The following TRAF3IP2 variants were observed in gnomAD, a reference collection of about 807,000 sequenced individuals.
TRAF3IP2 encodes E3 ubiquitin ligase TRAF3IP2.
In TRAF3IP2, 35 loss-of-function variants were observed where a neutral mutation model predicts 57.9. That is an observed-to-expected ratio of 0.60 (90% CI 0.46 to 0.80). TRAF3IP2 has a LOEUF of 0.80. TRAF3IP2 is among the 30% of genes least tolerant of loss of function. The pLI is 0.00. For missense variants in TRAF3IP2, 556 were observed against 706.4 expected (o/e 0.79, Z 2.41); for synonymous variants, 251 against 268.9 (o/e 0.93, Z 0.65).
At chr6:111,562,170 A>G (rs931811978) in intron 8 of TRAF3IP2, among the ~76,000 whole-genome samples, 5 of 152,178 alleles carry the variant, frequency 3.3e-5, no homozygotes, top group Admixed American at 1.3e-4. Flanking sequence ...CCATTCTCCA[A>G]ACTTGCTGGC....
At position 111,558,840 on chromosome 6, in the gene TRAF3IP2, C is replaced by T. The variant is rs1030070671; in HGVS notation, c.*565G>A. 4.6e-5 allele frequency: 7 copies of T among 152,230 alleles called. No homozygotes were observed. The highest frequency in any genetic ancestry group is 1.7e-4 in the African/African-American group (7 of 41,446). The allele number at this position is 152,230 out of a possible 1,614,324, so 9.4% of individuals were successfully genotyped here. Reference sequence around the variant, plus strand: ...ATACAGAGTGGTCTGTTATATTTATCTAATATTATATCTAAGCAGCTTTGT... The same window carrying T: ...ATACAGAGTGGTCTGTTATATTTATTTAATATTATATCTAAGCAGCTTTGT... On this transcript the variant is annotated 3_prime_UTR_variant, in exon 9 of 9. Coordinates refer to ENST00000368761, the MANE Select transcript of TRAF3IP2 (RefSeq NM_147686.4).
chr6:111,595,582 C>T (rs1200738161), intron 1 of TRAF3IP2, among the ~76,000 whole-genome samples: 2 of 152,184 alleles, frequency 1.3e-5, no homozygotes, highest in Non-Finnish European at 2.9e-5. Context: ...GTAATCCCAG[C>T]ACTTTGGGAG....
At chr6:111,599,517 G>GC (rs1796801148) in intron 1 of TRAF3IP2, among the ~76,000 whole-genome samples, 1 of 152,102 alleles carries the variant, frequency 6.6e-6, no homozygotes, top group African/African-American at 2.4e-5. Context: ...ATTTTCCCAT[G>GC]CTTCACCCTC....
Position 111,592,101 on chromosome 6 carries a change from C to T in TRAF3IP2, c.-8-7G>A, listed in dbSNP as rs749050748. ...CTTCGGTTCATTCTAGTTTCTGGAA[C>T]AAGAGAAAACATGCTATAGCCTTAG... On this transcript the variant is annotated splice_region_variant and splice_polypyrimidine_tract_variant and intron_variant, in intron 1 of 8. Coordinates refer to ENST00000368761, the MANE Select transcript of TRAF3IP2 (RefSeq NM_147686.4). 1.2e-6 allele frequency: 2 copies of T among 1,606,666 alleles called. No homozygotes were observed. Among genetic ancestry groups the T allele is most frequent in the East Asian group, 2.2e-5 (1 of 44,826 alleles).
chr6:111,593,995 G>A (rs1423542671), intron 1 of TRAF3IP2, among the ~76,000 whole-genome samples: 1 of 152,064 alleles, frequency 6.6e-6, no homozygotes, highest in Non-Finnish European at 1.5e-5. Flanking sequence ...GCTGGGCGTG[G>A]TGGCATGTGC....
At chr6:111,566,593 G>A (rs1583216862) in intron 6 of TRAF3IP2, 33 bp from the exon 7 acceptor site, 1 of 1,579,770 alleles carries the variant, frequency 6.3e-7, no homozygotes, top group East Asian at 2.2e-5. Flanking sequence ...CATGTTTATG[G>A]AAGTGTACCA....
At chr6:111,565,518 A>T (rs1299640667) in intron 7 of TRAF3IP2, among the ~76,000 whole-genome samples, 17 of 152,050 alleles carry the variant, frequency 1.1e-4, no homozygotes, top group Admixed American at 7.9e-4. Context: ...GGAGGCGCAG[A>T]CCCAGCCCCT....
intron 1 of TRAF3IP2, among the ~76,000 whole-genome samples, chr6:111,592,426 G>A (rs555372830): frequency 4.6e-5 from 7 of 152,330 alleles, no homozygotes; most frequent in East Asian, 1.9e-4. Flanking sequence ...GGGCTGCTTC[G>A]TGTGTGCTTG....
At chr6:111,602,752 T>C (rs1174410211) in intron 1 of TRAF3IP2, among the ~76,000 whole-genome samples, 1 of 151,810 alleles carries the variant, frequency 6.6e-6, no homozygotes, top group Non-Finnish European at 1.5e-5. Context: ...CTGTTGACTC[T>C]GGGAAGGGGA....
chr6:111,595,369 G>C (rs530770900), intron 1 of TRAF3IP2, among the ~76,000 whole-genome samples: 2 of 152,270 alleles, frequency 1.3e-5, no homozygotes, highest in African/African-American at 4.8e-5. Flanking sequence ...AATGGACCCT[G>C]GTGTTTCAAA....
intron 2 of TRAF3IP2, among the ~76,000 whole-genome samples, chr6:111,588,042 ACTC>A (rs1383594049): frequency 2.0e-5 from 3 of 152,118 alleles, no homozygotes; most frequent in Non-Finnish European, 2.9e-5. Flanking sequence ...ACCAATTTAC[ACTC>A]CTATCAAGAG....
intron 3 of TRAF3IP2, among the ~76,000 whole-genome samples, chr6:111,577,340 CAG>C (rs1199622009): frequency 6.6e-6 from 1 of 152,146 alleles, no homozygotes; most frequent in Non-Finnish European, 1.5e-5. Context: ...AAATTAATGA[CAG>C]AGTAAACTTT....
chr6:111,599,677 A>G (rs1223534696), intron 1 of TRAF3IP2, among the ~76,000 whole-genome samples: 1 of 152,166 alleles, frequency 6.6e-6, no homozygotes, highest in Non-Finnish European at 1.5e-5. Flanking sequence ...AGAGCCTATT[A>G]GTCTTCACAG....
chr6:111,565,535 G>A (rs1419500835), intron 7 of TRAF3IP2, among the ~76,000 whole-genome samples: 2 of 152,098 alleles, frequency 1.3e-5, no homozygotes. Flanking sequence ...CCCTCCTCCA[G>A]CACATATGGG....
rs1795275251 is a variant in TRAF3IP2 at position 111,557,418 on chromosome 6, G to C, written c.*1987C>G. 7.2e-6 allele frequency: 1 copy of C among 138,512 alleles called. No homozygotes were observed. 8.6% of individuals were successfully genotyped at this position (138,512 alleles called of 1,614,324 possible). On this transcript the variant is annotated 3_prime_UTR_variant, in exon 9 of 9. Transcript: ENST00000368761. The stretch of plus-strand genomic sequence containing the variant: ...CCAAAATTATCAACCTGAGGGTATT[G>C]TTGAAGTTTTTTTTTTTTTTTTTTT...
Position 111,591,524 on chromosome 6 carries a change from G to T in TRAF3IP2, c.563C>A (p.Ala188Glu). The change falls in exon 2 of 9, where the codon GCA (alanine) becomes GAA (glutamate). Residue 188 changes from alanine to glutamate, a missense_variant. Ala to Glu is a moderately radical substitution (Grantham distance 107). This residue lies in a region of TRAF3IP2 where 428 missense variants were observed against 498.7 expected (regional missense o/e 0.86). Transcript: ENST00000368761. This position sits in a 1 kb window ranked among gnomAD's most constrained non-coding sequence, Gnocchi z 4.9. ...VQRPQPHRNRAGLDLPTIDTG... is the reference protein window; with the variant it reads ...VQRPQPHRNREGLDLPTIDTG... ...GTCTATGGTTGGCAGATCCAGGCCT[G>T]CTCGGTTCCTGTGAGGCTGGGGCCG... 1 of 1,614,030 alleles carries T rather than the reference G, an allele frequency of 6.2e-7. No homozygotes were observed. The highest frequency in any genetic ancestry group is 8.5e-7 in the Non-Finnish European group (1 of 1,179,918).
chr6:111,596,626 G>A (rs1257052649), intron 1 of TRAF3IP2, among the ~76,000 whole-genome samples: 1 of 152,134 alleles, frequency 6.6e-6, no homozygotes, highest in African/African-American at 2.4e-5. Context: ...GCTAATTTTT[G>A]TATTTTTAGT....
intron 7 of TRAF3IP2, among the ~76,000 whole-genome samples, 175 bp from the exon 8 acceptor site, chr6:111,563,214 G>A (rs575349593): frequency 1.1e-4 from 17 of 152,146 alleles, no homozygotes; most frequent in Non-Finnish European, 1.8e-4. Flanking sequence ...CTCATCAGTC[G>A]TTTATTGGAG....
chr6:111,566,478 T>C lies in TRAF3IP2; in HGVS notation c.1442A>G (p.Glu481Gly). 6.2e-7 allele frequency: 1 copy of C among 1,614,194 alleles called. No individual in the cohort carries two copies. The highest frequency in any genetic ancestry group is 8.5e-7 in the Non-Finnish European group (1 of 1,180,014). The change falls in exon 7 of 9, where the codon GAG becomes GGG. Residue 481 changes from glutamate to glycine, a missense_variant. Glu to Gly is a moderately conservative substitution (Grantham distance 98, BLOSUM62 -2). Transcript: ENST00000368761. ...AATGTACTTAGTATGTAAGCCATGC[T>C]CATCCTCGTCCAGCTGCGACTCAGC... The part of the protein sequence containing the change: ...EGAESQLDED[E>G]HGLHTKYIHR...
Sources: gnomAD v4.1 joint callset for allele counts (sites outside exome capture counted in the v4.1 genomes callset) on GRCh38, gnomAD v4.1.1 for gene constraint, gnomAD v4.1.1 regional missense constraint, Gnocchi (gnomAD v3.1) non-coding constraint, MANE v1.5 for transcripts, NCBI Gene and HGNC (gene_info 2026-07-23, HGNC 2026-07-21) for gene names.